The following COL6A5 variants were observed in gnomAD, a reference collection of about 807,000 sequenced individuals.
COL6A5 encodes the protein collagen type VI alpha 5 chain.
In COL6A5, 48 loss-of-function variants were observed where a neutral mutation model predicts 65.6. The ratio of observed to expected loss-of-function variants is 0.73; its 90% CI spans 0.58 to 0.93. The LOEUF is 0.93. Among genes scored for constraint, COL6A5 ranks in the 40% least tolerant of loss-of-function variants. The probability of loss-of-function intolerance (pLI) is 0.00; values close to 1 mark genes in which losing one functional copy is unlikely to be tolerated. For missense variants in COL6A5, 914 were observed against 928.3 expected (o/e 0.98, Z 0.20); for synonymous variants, 291 against 322.8 (o/e 0.90, Z 1.05).
At chr3:130,471,981 C>T in intron 7 of COL6A5, 55 bp downstream of exon 40, 1 of 1,472,944 alleles carries the variant, frequency 6.8e-7, no homozygotes. Context: ...TTTGGATTTT[C>T]CCCTGGTGGA....
chr3:130,429,601 T>C (rs117143908), upstream of COL6A5: 793 of 1,542,874 alleles, frequency 5.1e-4, 8 homozygotes, highest in East Asian at 0.017. Flanking sequence ...ATTCTTACCA[T>C]GCTGTTCCCT....
intron 21 of COL6A5, 57 bp downstream of exon 21, chr3:130,413,637 CA>C (rs1937248852): frequency 6.7e-7 from 1 of 1,498,690 alleles, no homozygotes; most frequent in African/African-American, 1.4e-5. Context: ...AGGTTTCTCC[CA>C]TGTAGGTGGT....
intron 28 of COL6A5, 40 bp from the exon 29 acceptor site, chr3:130,423,798 C>A: frequency 2.8e-6 from 4 of 1,446,766 alleles, no homozygotes; most frequent in Non-Finnish European, 2.8e-6. Context: ...CATAGATAGA[C>A]AGTGTTGAAA....
intron 5 of COL6A5, among the ~76,000 whole-genome samples, chr3:130,458,187 C>A (rs1396153411): frequency 6.6e-6 from 1 of 152,040 alleles, no homozygotes; most frequent in East Asian, 1.9e-4. Flanking sequence ...ATTCTACCAC[C>A]TTTCCTGGCC....
At chr3:130,447,221 A>C (rs566003553) in intron 4 of COL6A5, among the ~76,000 whole-genome samples, 1 of 152,286 alleles carries the variant, frequency 6.6e-6, no homozygotes, top group East Asian at 1.9e-4. Flanking sequence ...CCTGTTTGGC[A>C]AGTAGCCCAG....
chr3:130,484,093 A>G, exon 8 of COL6A5: 3 of 1,590,382 alleles, frequency 1.9e-6, no homozygotes, highest in Non-Finnish European at 2.6e-6. Context: ...GACATGTATA[A>G]TCCCATGTGG....
At chr3:130,416,200 G>A (rs1264109305) in intron 23 of COL6A5, among the ~76,000 whole-genome samples, 1 of 152,106 alleles carries the variant, frequency 6.6e-6, no homozygotes, top group East Asian at 1.9e-4. Context: ...TGAAGGATGT[G>A]TAGGAAAAAT....
At position 130,405,595 on chromosome 3, in the gene COL6A5, G is replaced by GAGGAGACACAGGACCCCA. The variant is rs759315201; in HGVS notation, c.4298_4315dup (p.Thr1433_Asp1438dup). 3.8e-5 allele frequency: 59 copies of GAGGAGACACAGGACCCCA among 1,550,720 alleles called. No individual in the cohort carries two copies. In the African/African-American group the frequency reaches 7.0e-4, roughly 18 times the overall value. ...CTGTGCTCCTTTTCTTAGGGAGTAC[G>GAGGAGACACAGGACCCCA]AGGAGACACAGGACCCCAAGGAGAC... On this transcript the variant is annotated inframe_insertion and NMD_transcript_variant, in exon 14 of 42. Transcript: ENST00000312481.
intron 1 of COL6A5, among the ~76,000 whole-genome samples, chr3:130,365,923 C>G (rs1270561078): frequency 6.6e-6 from 1 of 152,180 alleles, no homozygotes; most frequent in Non-Finnish European, 1.5e-5. Flanking sequence ...CAGCCCACAG[C>G]CTGTTCTTTC....
exon 5 of COL6A5, chr3:130,385,211 C>G (rs577043566): frequency 2.1e-5 from 33 of 1,550,888 alleles, no homozygotes; most frequent in Non-Finnish European, 2.9e-5. Flanking sequence ...AAGGGCTGAG[C>G]AAATCACTGT....
chr3:130,348,294 C>T (rs1934577492), intron 1 of COL6A5, among the ~76,000 whole-genome samples: 2 of 152,202 alleles, frequency 1.3e-5, no homozygotes. Flanking sequence ...CCCTGACAGG[C>T]CCTGGTGTGT....
exon 6 of COL6A5, chr3:130,389,026 C>T (rs898259261): frequency 3.3e-6 from 5 of 1,533,230 alleles, no homozygotes; most frequent in Non-Finnish European, 4.4e-6. Flanking sequence ...CAATAGATCT[C>T]AGCTAGAAGA....
chr3:130,361,461 A>T (rs1430203729), intron 1 of COL6A5, among the ~76,000 whole-genome samples: 1 of 152,042 alleles, frequency 6.6e-6, no homozygotes, highest in East Asian at 1.9e-4. Context: ...AATATACCAT[A>T]GTTCATCTGT....
intron 1 of COL6A5, among the ~76,000 whole-genome samples, chr3:130,437,776 C>T (rs547126160): frequency 6.6e-6 from 1 of 152,216 alleles, no homozygotes; most frequent in African/African-American, 2.4e-5. Flanking sequence ...AAATTCTTTT[C>T]TCCATCTTCC....
exon 24 of COL6A5, chr3:130,416,798 A>T (rs904706157): frequency 5.9e-6 from 9 of 1,527,556 alleles, no homozygotes; most frequent in Non-Finnish European, 7.9e-6. Context: ...GCACTGGAAG[A>T]CCTGGACTTT....
chr3:130,373,700 GC>G, exon 2 of COL6A5: 1 of 1,526,728 alleles, frequency 6.5e-7, no homozygotes, highest in Non-Finnish European at 8.9e-7. Context: ...GCAGACCAGA[GC>G]CCAGGTATCA....
chr3:130,358,617 A>C (rs1205951041), intron 1 of COL6A5, among the ~76,000 whole-genome samples: 1 of 152,212 alleles, frequency 6.6e-6, no homozygotes, highest in African/African-American at 2.4e-5. Flanking sequence ...TAGAAATGCA[A>C]ATTCAAAGAG....
At chr3:130,454,764 C>T (rs1709526625) in intron 4 of COL6A5, among the ~76,000 whole-genome samples, 1 of 152,124 alleles carries the variant, frequency 6.6e-6, no homozygotes, top group African/African-American at 2.4e-5. Flanking sequence ...TAAGTATTTT[C>T]TGCATTTTCC....
At chr3:130,451,775 C>T (rs1262830299) in intron 4 of COL6A5, among the ~76,000 whole-genome samples, 1 of 151,954 alleles carries the variant, frequency 6.6e-6, no homozygotes, top group Non-Finnish European at 1.5e-5. Context: ...GAGGGAGAGG[C>T]TGATCAGGTA....
Sources: gnomAD v4.1 joint callset for allele counts (sites outside exome capture counted in the v4.1 genomes callset) on GRCh38, gnomAD v4.1.1 for gene constraint, MANE v1.5 for transcripts, NCBI Gene and HGNC (gene_info 2026-07-23, HGNC 2026-07-21) for gene names.